SYT1: variants seen among roughly 807,000 people sequenced by gnomAD.
SYT1 encodes synaptotagmin 1.
In SYT1, 8 loss-of-function variants were observed where a neutral mutation model predicts 44.8. The ratio of observed to expected loss-of-function variants is 0.18; its 90% CI spans 0.10 to 0.32. SYT1 has a LOEUF of 0.32. Ranked by LOEUF, SYT1 falls within the 10% of genes least tolerant of loss-of-function variation. The pLI, the probability that SYT1 is intolerant of heterozygous loss-of-function variation, is 1.00. For synonymous variants in SYT1, 154 were observed against 188.8 expected, an observed-to-expected ratio of 0.82 and a Z score of 1.51; for missense variants, 286 against 509.3, an observed-to-expected ratio of 0.56 and a Z score of 4.22.
chr12:79,064,247 G>T (rs1011663297), intron 3 of SYT1, among the ~76,000 whole-genome samples: 1 of 152,130 alleles, frequency 6.6e-6, no homozygotes, highest in African/African-American at 2.4e-5. Flanking sequence ...AAGGAGAAAG[G>T]AAAGAGGGAG....
intron 3 of SYT1, among the ~76,000 whole-genome samples, chr12:79,182,635 G>A (rs1242373000): frequency 6.6e-6 from 1 of 152,040 alleles, no homozygotes; most frequent in Non-Finnish European, 1.5e-5. Flanking sequence ...ACATATTGCA[G>A]TTAATTGCAT....
chr12:78,938,221 GC>G lies in SYT1; in HGVS notation c.-216-39577del, dbSNP rs1878168325. The stretch of plus-strand genomic sequence containing the variant: ...TTCTATTTCTTTCTCTTTTAACACA[GC>G]TTTTCTCCAGGAAAATAGGACACAG... On this transcript the variant is annotated intron_variant, in intron 1 of 10. Transcript: ENST00000261205. Among the ~76,000 whole-genome samples, 2 of 151,916 alleles carry G rather than the reference GC, an allele frequency of 1.3e-5. 1 individual carries two copies. The highest frequency in any genetic ancestry group is 1.3e-4 in the Admixed American group (2 of 15,248).
chr12:79,442,322 T>A lies in SYT1; in HGVS notation c.929-1751T>A, dbSNP rs543420657. On this transcript the variant is annotated intron_variant, in intron 9 of 10. Coordinates refer to ENST00000261205, the MANE Select transcript of SYT1 (RefSeq NM_005639.3). ...TCAACATTGGCTGTGAACAGTAACA[T>A]GGATTATCAGTGACATTTTTTGCTT... 2.0e-5 allele frequency among the ~76,000 whole-genome samples: 3 copies of A among 152,188 alleles called. 1 individual carries two copies. Among genetic ancestry groups the A allele is most frequent in the Non-Finnish European group, 4.4e-5 (3 of 68,032 alleles).
intron 9 of SYT1, among the ~76,000 whole-genome samples, chr12:79,406,550 TC>T (rs1157974765): frequency 1.3e-5 from 2 of 152,126 alleles, no homozygotes; most frequent in African/African-American, 4.8e-5. Flanking sequence ...CTTTTTAAAG[TC>T]TTGTCCACAT....
chr12:79,101,074 T>C (rs1457518089), intron 3 of SYT1, among the ~76,000 whole-genome samples: 1 of 152,208 alleles, frequency 6.6e-6, no homozygotes, highest in Non-Finnish European at 1.5e-5. Flanking sequence ...ATTTGTTTTA[T>C]TATTCTGATC....
At chr12:78,947,273 G>A (rs1233422600) in intron 1 of SYT1, among the ~76,000 whole-genome samples, 1 of 152,120 alleles carries the variant, frequency 6.6e-6, no homozygotes, top group Non-Finnish European at 1.5e-5. Flanking sequence ...TGATAGAGAG[G>A]AAAAATGAAG....
At chr12:79,041,006 C>A (rs1325363581) in intron 2 of SYT1, among the ~76,000 whole-genome samples, 797 of 151,656 alleles carry the variant, frequency 5.3e-3, no homozygotes, top group Middle Eastern at 0.01. Context: ...TACCAGTACC[C>A]TGCTGTTTTG....
intron 3 of SYT1, among the ~76,000 whole-genome samples, chr12:79,073,802 T>C (rs1876451085): frequency 6.6e-6 from 1 of 152,174 alleles, no homozygotes; most frequent in Non-Finnish European, 1.5e-5. Flanking sequence ...TACCTGACTC[T>C]CTTTTTCTGT....
intron 4 of SYT1, among the ~76,000 whole-genome samples, chr12:79,232,360 C>G (rs538373941): frequency 2.0e-5 from 3 of 152,198 alleles, no homozygotes; most frequent in Admixed American, 6.5e-5. Flanking sequence ...AGCGATGGCT[C>G]TTTATGATAT....
chr12:78,999,068 G>A (rs1047185833), intron 2 of SYT1, among the ~76,000 whole-genome samples: 1 of 152,086 alleles, frequency 6.6e-6, no homozygotes, highest in African/African-American at 2.4e-5. Context: ...ACAGAACATG[G>A]CTTATTTTAG....
At chr12:79,191,491 C>T (rs1048362726) in intron 3 of SYT1, among the ~76,000 whole-genome samples, 2 of 152,064 alleles carry the variant, frequency 1.3e-5, no homozygotes, top group African/African-American at 4.8e-5. Flanking sequence ...ATGATTCCTG[C>T]TAATAGAAAT....
chr12:79,445,039 G>A (rs1050445571), intron 10 of SYT1, among the ~76,000 whole-genome samples: 1 of 151,982 alleles, frequency 6.6e-6, no homozygotes, highest in Non-Finnish European at 1.5e-5. Flanking sequence ...TAAATAATTG[G>A]CGCAGGTGTA....
chr12:78,890,250 G>T (rs751309243), intron 1 of SYT1, among the ~76,000 whole-genome samples: 1 of 151,850 alleles, frequency 6.6e-6, no homozygotes, highest in Non-Finnish European at 1.5e-5. Flanking sequence ...AATTGATAGT[G>T]TTGTCTCTGA....
chr12:79,068,199 G>A (rs1876009778), intron 3 of SYT1, among the ~76,000 whole-genome samples: 1 of 152,114 alleles, frequency 6.6e-6, no homozygotes, highest in South Asian at 2.1e-4. Context: ...CTGGTTTTGT[G>A]CCAAATGGAA....
At chr12:79,112,143 C>A (rs1879048703) in intron 3 of SYT1, among the ~76,000 whole-genome samples, 1 of 151,712 alleles carries the variant, frequency 6.6e-6, no homozygotes, top group Middle Eastern at 3.2e-3. Flanking sequence ...AGCCTTAATA[C>A]AATATGCTAG....
At chr12:78,947,295 T>A (rs550621643) in intron 1 of SYT1, among the ~76,000 whole-genome samples, 3 of 152,160 alleles carry the variant, frequency 2.0e-5, no homozygotes, top group East Asian at 1.9e-4. Flanking sequence ...TATTTTTACA[T>A]TGAAAATTTT....
At chr12:79,135,624 T>G (rs1469973071) in intron 3 of SYT1, among the ~76,000 whole-genome samples, 1 of 152,140 alleles carries the variant, frequency 6.6e-6, no homozygotes, top group East Asian at 1.9e-4. Context: ...ACTTGTAAAG[T>G]AGGTTACTCC....
intron 4 of SYT1, among the ~76,000 whole-genome samples, chr12:79,242,497 T>C (rs1348798794): frequency 6.6e-6 from 1 of 152,214 alleles, no homozygotes; most frequent in East Asian, 1.9e-4. Context: ...ATAGCCACCA[T>C]TGGCTGAGTA....
chr12:79,071,351 C>T (rs1318639362), intron 3 of SYT1, among the ~76,000 whole-genome samples: 1 of 152,066 alleles, frequency 6.6e-6, no homozygotes, highest in Non-Finnish European at 1.5e-5. Context: ...TGGACTTTGT[C>T]CTTAAAAAGC....
Sources: gnomAD v4.1 joint callset for allele counts (sites outside exome capture counted in the v4.1 genomes callset) on GRCh38, gnomAD v4.1.1 for gene constraint, MANE v1.5 for transcripts, NCBI Gene and HGNC (gene_info 2026-07-23, HGNC 2026-07-21) for gene names.